CFAP221: variants seen among roughly 807,000 people sequenced by gnomAD.
CFAP221 encodes the protein cilia and flagella associated protein 221.
Under a neutral mutation model 113.1 loss-of-function variants are expected in CFAP221, and 97 were observed. The ratio of observed to expected loss-of-function variants is 0.86; its 90% confidence interval spans 0.73 to 1.02. The LOEUF is 1.02. Among genes scored for constraint, CFAP221 ranks in the 50% least tolerant of loss-of-function variants. The pLI is 0.00. For missense variants in CFAP221, 1,025 were observed against 1,013.4 expected (o/e 1.01, Z -0.16); for synonymous variants, 331 against 354.4 (o/e 0.93, Z 0.74).
chr2:119,627,543 AT>A, intron 15 of CFAP221, 109 bp from the exon 16 acceptor site: 1 of 845,194 alleles, frequency 1.2e-6, no homozygotes, highest in Non-Finnish European at 1.8e-6. Context: ...ATATATATAT[AT>A]ACACACCCAC....
intron 8 of CFAP221, among the ~76,000 whole-genome samples, chr2:119,604,314 G>A (rs1684569557): frequency 1.3e-5 from 2 of 152,024 alleles, no homozygotes. Flanking sequence ...CACGCATGTA[G>A]TCCCAGGTAT....
chr2:119,630,550 C>A lies in CFAP221; in HGVS notation c.1732-20C>A. On this transcript the variant is annotated intron_variant, in intron 17 of 23. Transcript: ENST00000413369. ...ATGGTAACAGGTTTTTAAGGATTTTCAATCTTCTTTCACCTTCAGGTTCCT... is the reference window on the plus strand; with the variant it reads ...ATGGTAACAGGTTTTTAAGGATTTTAAATCTTCTTTCACCTTCAGGTTCCT... The A allele has an allele frequency of 6.4e-7, 1 of 1,559,472 alleles. No homozygotes were observed. Among genetic ancestry groups the A allele is most frequent in the Non-Finnish European group, 8.8e-7 (1 of 1,133,212 alleles).
chr2:119,557,975 AAAG>A (rs1173483282), intron 3 of CFAP221, among the ~76,000 whole-genome samples: 4 of 151,934 alleles, frequency 2.6e-5, no homozygotes, highest in Non-Finnish European at 5.9e-5. Flanking sequence ...AAAAAAAAAA[AAAG>A]CACCCCTAGA....
intron 6 of CFAP221, among the ~76,000 whole-genome samples, chr2:119,570,914 G>A (rs1681995644): frequency 6.6e-6 from 1 of 152,054 alleles, no homozygotes; most frequent in Admixed American, 6.5e-5. Flanking sequence ...GAATTGTTAG[G>A]TCATATGGTA....
intron 6 of CFAP221, among the ~76,000 whole-genome samples, chr2:119,577,443 T>C (rs1228551388): frequency 6.6e-6 from 1 of 152,190 alleles, no homozygotes; most frequent in Non-Finnish European, 1.5e-5. Context: ...GGGATCAGTT[T>C]CAAAGAGAGC....
Position 119,615,614 on chromosome 2 carries a change from A to G in CFAP221, c.1315A>G (p.Ile439Val). The G allele has an allele frequency of 6.2e-7, 1 of 1,603,068 alleles. No individual in the cohort carries two copies. The highest frequency in any genetic ancestry group is 8.5e-7 in the Non-Finnish European group (1 of 1,174,148). Residue 439 changes from isoleucine (I) to valine (V), a missense_variant, in exon 14 of 24, where the codon ATC (isoleucine) becomes GTC (valine). Ile to Val is a conservative substitution (Grantham distance 29). Coordinates refer to ENST00000413369, the MANE Select transcript of CFAP221 (RefSeq NM_001271049.2). ...TGCCTATATTTTATATTCACAGAAA[A>G]TCAAGGAATTTCATCCTACTTTTGA... ...KRVVRNQEEK[I>V]KEFHPTFDPL...
intron 2 of CFAP221, 78 bp downstream of exon 2, chr2:119,546,348 CT>C: frequency 7.1e-7 from 1 of 1,400,074 alleles, no homozygotes; most frequent in Non-Finnish European, 9.5e-7. Context: ...CATAATGGGA[CT>C]TTTAGTGCTG....
intron 6 of CFAP221, among the ~76,000 whole-genome samples, chr2:119,576,113 C>T (rs1007970755): frequency 3.9e-5 from 6 of 152,144 alleles, no homozygotes; most frequent in African/African-American, 1.4e-4. Flanking sequence ...CCATCAAGCC[C>T]CCTTGACTCT....
chr2:119,651,327 A>C (rs1264526347), intron 22 of CFAP221, among the ~76,000 whole-genome samples: 1 of 152,206 alleles, frequency 6.6e-6, no homozygotes, highest in Non-Finnish European at 1.5e-5. Context: ...ATTGCAACAC[A>C]ACCACACCCA....
At chr2:119,592,401 ATCT>A (rs1683659226) in intron 7 of CFAP221, among the ~76,000 whole-genome samples, 1 of 152,214 alleles carries the variant, frequency 6.6e-6, no homozygotes, top group South Asian at 2.1e-4. Context: ...TTCAGCTGGA[ATCT>A]TGGCCATGGA....
At chr2:119,656,141 T>A (rs114800321) in intron 23 of CFAP221, 15,681 of 497,726 alleles carry the variant, frequency 0.032, 341 homozygotes, top group Non-Finnish European at 0.041. Context: ...AACTTGCCCA[T>A]GCTCAGAAAC....
chr2:119,652,343 A>T (rs1212450383), intron 23 of CFAP221, among the ~76,000 whole-genome samples: 1 of 152,242 alleles, frequency 6.6e-6, no homozygotes, highest in Admixed American at 6.5e-5. Flanking sequence ...TTAATAGCTG[A>T]TTGAGTTTCA....
chr2:119,611,814 A>G (rs1475643597), intron 13 of CFAP221, 72 bp downstream of exon 13: 4 of 1,094,936 alleles, frequency 3.7e-6, no homozygotes, highest in African/African-American at 3.2e-5. Context: ...TGAATGCTAA[A>G]CAATTTTATA....
intron 21 of CFAP221, among the ~76,000 whole-genome samples, 156 bp from the exon 22 acceptor site, chr2:119,646,802 C>T (rs1205736257): frequency 6.6e-6 from 1 of 152,172 alleles, no homozygotes; most frequent in Non-Finnish European, 1.5e-5. Context: ...CCTGCCTTTG[C>T]CTCTGGGAAC....
intron 19 of CFAP221, among the ~76,000 whole-genome samples, chr2:119,635,871 C>T (rs1469045734): frequency 6.6e-6 from 1 of 152,052 alleles, no homozygotes. Context: ...AGGCTCCAAG[C>T]ACTAACAGTG....
rs10628972 is a variant in CFAP221 at position 119,562,253 on chromosome 2, C to CAAAAAA, written c.527+147_527+152dup. 791 of 274,092 alleles carry CAAAAAA rather than the reference C, an allele frequency of 2.9e-3. 7 individuals carry two copies. The highest frequency in any genetic ancestry group is 6.4e-3 in the East Asian group (73 of 11,336). The allele number at this position is 274,092 out of a possible 1,614,324, so 17.0% of individuals were successfully genotyped here. On this transcript the variant is annotated intron_variant, in intron 6 of 23. Coordinates refer to ENST00000413369, the MANE Select transcript of CFAP221 (RefSeq NM_001271049.2). ...AGACTGGACTTGTCATTGTAAAAGG[C>CAAAAAA]AAAAAAAAAAAAAGCAAAAGCAAAA...
intron 11 of CFAP221, among the ~76,000 whole-genome samples, chr2:119,606,722 C>T (rs757692690): frequency 1.6e-4 from 25 of 152,150 alleles, no homozygotes; most frequent in Non-Finnish European, 2.9e-4. Flanking sequence ...TTTGTTCTTT[C>T]TATGCATCTC....
At chr2:119,578,720 C>A (rs150102352) in intron 6 of CFAP221, among the ~76,000 whole-genome samples, 1 of 152,154 alleles carries the variant, frequency 6.6e-6, no homozygotes, top group African/African-American at 2.4e-5. Flanking sequence ...ACCTAGTCAT[C>A]GTGGAAAAAG....
downstream of CFAP221, among the ~76,000 whole-genome samples, chr2:119,659,295 C>T (rs1460914489): frequency 3.9e-5 from 6 of 152,300 alleles, no homozygotes; most frequent in African/African-American, 1.4e-4. Flanking sequence ...TACTGGTTCC[C>T]GAATTGCCTG....
Sources: gnomAD v4.1 joint callset for allele counts (sites outside exome capture counted in the v4.1 genomes callset) on GRCh38, gnomAD v4.1.1 for gene constraint, MANE v1.5 for transcripts, NCBI Gene and HGNC (gene_info 2026-07-23, HGNC 2026-07-21) for gene names.